The following ITPR1 variants were observed in gnomAD, a reference collection of about 807,000 sequenced individuals.
ITPR1 encodes inositol 1,4,5-trisphosphate receptor type 1.
In ITPR1, 96 loss-of-function variants were observed where a neutral mutation model predicts 318.4. That is an observed-to-expected ratio of 0.30 (90% CI 0.26 to 0.36). The LOEUF is 0.36. Ranked by LOEUF, ITPR1 falls within the 10% of genes least tolerant of loss-of-function variation. The probability of loss-of-function intolerance (pLI) is 1.00; values close to 1 mark genes in which losing one functional copy is unlikely to be tolerated. For synonymous variants in ITPR1, 1,312 were observed against 1,289.9 expected (o/e 1.02, Z -0.37); for missense variants, 2,440 against 3,460.2 (o/e 0.71, Z 7.40).
At chr3:4,681,310 G>C in intron 25 of ITPR1, 54 bp from the exon 26 acceptor site, 1 of 1,245,830 alleles carries the variant, frequency 8.0e-7, no homozygotes, top group Non-Finnish European at 1.2e-6. Context: ...GAGTTCACCA[G>C]CAGCATGTTT....
At chr3:4,752,004 T>C (rs1029404539) in intron 44 of ITPR1, among the ~76,000 whole-genome samples, 4 of 152,146 alleles carry the variant, frequency 2.6e-5, no homozygotes, top group African/African-American at 7.2e-5. Context: ...TGTCAGAGGC[T>C]CTCTCAAAGT....
intron 4 of ITPR1, among the ~76,000 whole-genome samples, chr3:4,599,902 A>G (rs1322411808): frequency 6.6e-6 from 1 of 152,178 alleles, no homozygotes; most frequent in Non-Finnish European, 1.5e-5. Flanking sequence ...TGAAACCGTG[A>G]AACTCACCAC....
intron 55 of ITPR1, among the ~76,000 whole-genome samples, chr3:4,807,371 GA>G (rs1424467568): frequency 6.6e-6 from 1 of 152,164 alleles, no homozygotes; most frequent in Non-Finnish European, 1.5e-5. Context: ...TTAGAGATTT[GA>G]AAGTACAAAA....
intron 44 of ITPR1, among the ~76,000 whole-genome samples, chr3:4,760,813 C>A (rs1247871565): frequency 6.6e-6 from 1 of 152,208 alleles, no homozygotes; most frequent in African/African-American, 2.4e-5. Flanking sequence ...CTGCCTCCTG[C>A]CTCCACAGCG....
chr3:4,625,431 G>T (rs766912625), intron 4 of ITPR1, among the ~76,000 whole-genome samples: 1 of 152,176 alleles, frequency 6.6e-6, no homozygotes, highest in Non-Finnish European at 1.5e-5. Context: ...GGCACTTTAA[G>T]GGAATCGGTT....
intron 44 of ITPR1, among the ~76,000 whole-genome samples, chr3:4,748,544 G>A (rs1309105458): frequency 2.6e-5 from 4 of 152,054 alleles, no homozygotes; most frequent in African/African-American, 9.7e-5. Flanking sequence ...GCTTGTCCCC[G>A]ACAGAAGAAA....
intron 4 of ITPR1, among the ~76,000 whole-genome samples, chr3:4,564,295 C>CT (rs2086993941): frequency 6.6e-6 from 1 of 152,184 alleles, no homozygotes; most frequent in East Asian, 1.9e-4. Flanking sequence ...TCTTGCCTGG[C>CT]TCCTGGTGGT....
At chr3:4,740,871 C>T (rs546518274) in intron 44 of ITPR1, among the ~76,000 whole-genome samples, 20 of 152,324 alleles carry the variant, frequency 1.3e-4, no homozygotes, top group Non-Finnish European at 2.2e-4. Flanking sequence ...AGAGAACTTC[C>T]GGCTTTCTTT....
At chr3:4,534,083 CA>C (rs550130120) in intron 4 of ITPR1, among the ~76,000 whole-genome samples, 31 of 152,332 alleles carry the variant, frequency 2.0e-4, no homozygotes, top group African/African-American at 7.2e-4. Context: ...AGGACAGTTG[CA>C]TTTGCAGAAG....
intron 60 of ITPR1, among the ~76,000 whole-genome samples, chr3:4,835,567 T>TGA (rs764336361): frequency 1.3e-5 from 2 of 150,188 alleles, no homozygotes; most frequent in Admixed American, 6.6e-5. Flanking sequence ...TCCGAGTGAG[T>TGA]GTGTGTGTGT....
chr3:4,506,275 C>G (rs997788582), intron 2 of ITPR1, among the ~76,000 whole-genome samples: 8 of 152,174 alleles, frequency 5.3e-5, no homozygotes, highest in Admixed American at 6.5e-5. Context: ...CTTCCTTTCC[C>G]CATTAATGCT....
intron 4 of ITPR1, among the ~76,000 whole-genome samples, chr3:4,530,705 C>T (rs2083344321): frequency 6.6e-6 from 1 of 152,052 alleles, no homozygotes; most frequent in Non-Finnish European, 1.5e-5. Context: ...TGCTTGAGCC[C>T]AGTAGGTTGA....
chr3:4,511,137 G>A (rs304040), intron 2 of ITPR1, among the ~76,000 whole-genome samples: 95,128 of 152,032 alleles, frequency 0.63, 29,920 homozygotes, highest in East Asian at 0.79. Context: ...AACAGTGACT[G>A]GAGCCAGCAG....
intron 37 of ITPR1, 100 bp downstream of exon 37, chr3:4,706,451 G>T: frequency 9.6e-7 from 1 of 1,044,550 alleles, no homozygotes; most frequent in South Asian, 1.8e-5. Flanking sequence ...AAGCTGGGCC[G>T]TGGGAAGATG....
chr3:4,556,282 C>T (rs1034407403), intron 4 of ITPR1, among the ~76,000 whole-genome samples: 1 of 152,140 alleles, frequency 6.6e-6, no homozygotes, highest in Admixed American at 6.6e-5. Context: ...ACATTTGTTA[C>T]AATTGATGAA....
At chr3:4,786,057 G>T (rs2047178054) in intron 51 of ITPR1, among the ~76,000 whole-genome samples, 1 of 152,222 alleles carries the variant, frequency 6.6e-6, no homozygotes, top group Admixed American at 6.5e-5. Flanking sequence ...CTAGAACTCA[G>T]TTCTTGCCAG....
At chr3:4,742,838 G>C (rs1415509742) in intron 44 of ITPR1, among the ~76,000 whole-genome samples, 1 of 152,116 alleles carries the variant, frequency 6.6e-6, no homozygotes, top group African/African-American at 2.4e-5. Flanking sequence ...TCCTACTTCT[G>C]ATATTTTCTA....
intron 4 of ITPR1, among the ~76,000 whole-genome samples, chr3:4,533,322 G>C (rs1302183590): frequency 6.6e-6 from 1 of 152,186 alleles, no homozygotes; most frequent in Non-Finnish European, 1.5e-5. Flanking sequence ...TGGTGGTTAG[G>C]AGCACAGGCT....
intron 4 of ITPR1, among the ~76,000 whole-genome samples, chr3:4,568,002 ATT>A (rs869232817): frequency 4.0e-3 from 15 of 3,734 alleles, no homozygotes; most frequent in Admixed American, 0.035. Flanking sequence ...TCAGTAGATT[ATT>A]TATCAGGTAT....
Sources: gnomAD v4.1 joint callset for allele counts (sites outside exome capture counted in the v4.1 genomes callset) on GRCh38, gnomAD v4.1.1 for gene constraint, MANE v1.5 for transcripts, NCBI Gene and HGNC (gene_info 2026-07-23, HGNC 2026-07-21) for gene names.